Variants in PCDHGA1 observed in about 807,000 individuals in gnomAD.
PCDHGA1 encodes protocadherin gamma subfamily A, 1.
Under a neutral mutation model 58.0 loss-of-function variants are expected in PCDHGA1, and 32 were observed. The observed-to-expected ratio is 0.55, with a 90% CI of 0.42 to 0.74. PCDHGA1 has a LOEUF of 0.74. PCDHGA1 is among the 30% of genes least tolerant of loss of function. The pLI, the probability that PCDHGA1 is intolerant of heterozygous loss-of-function variation, is 0.00. For synonymous variants in PCDHGA1, 498 were observed against 501.1 expected (o/e 0.99, Z 0.08); for missense variants, 1,205 against 1,182.3 (o/e 1.02, Z -0.28).
At chr5:141,399,445 G>A (rs2093810599) in intron 1 of PCDHGA1, 1 of 1,614,032 alleles carries the variant, frequency 6.2e-7, no homozygotes, top group Non-Finnish European at 8.5e-7. Context: ...ACATATCAGA[G>A]ACGTCAACGA....
chr5:141,410,174 G>A (rs1369332920), intron 1 of PCDHGA1: 4 of 1,613,588 alleles, frequency 2.5e-6, no homozygotes, highest in East Asian at 2.2e-5. Flanking sequence ...CTCTGCCACC[G>A]CCACGCTTCA....
intron 1 of PCDHGA1, chr5:141,361,620 C>T (rs1265757132): frequency 1.2e-6 from 2 of 1,613,974 alleles, no homozygotes; most frequent in East Asian, 4.5e-5. Context: ...TAGCGAGCGA[C>T]CTGAAGCCGC....
At chr5:141,372,576 C>A in intron 1 of PCDHGA1, 2 of 1,614,066 alleles carry the variant, frequency 1.2e-6, no homozygotes. Context: ...GGGCTACTTT[C>A]AGCCTGGTGT....
At chr5:141,358,425 C>G (rs17097227) in intron 1 of PCDHGA1, among the ~76,000 whole-genome samples, 21,407 of 152,038 alleles carry the variant, frequency 0.14, 2,091 homozygotes, top group African/African-American at 0.28. Flanking sequence ...AGGGTATTTT[C>G]CATTATAACA....
chr5:141,343,898 C>T, intron 1 of PCDHGA1: 1 of 789,338 alleles, frequency 1.3e-6, no homozygotes, highest in Non-Finnish European at 2.0e-6. Context: ...CGGCTGCCAA[C>T]CTCACCTCTT....
chr5:141,340,429 T>C (rs762000405), intron 1 of PCDHGA1: 2 of 1,614,228 alleles, frequency 1.2e-6, no homozygotes, highest in South Asian at 2.2e-5. Flanking sequence ...ACAATGCTCA[T>C]GTAACTTACT....
At chr5:141,375,738 T>C (rs1771822925) in intron 1 of PCDHGA1, 2 of 1,614,130 alleles carry the variant, frequency 1.2e-6, no homozygotes, top group African/African-American at 2.7e-5. Context: ...AGCCTGTTTG[T>C]GCTGGACCAG....
At chr5:141,384,371 T>G (rs1780015620) in intron 1 of PCDHGA1, 2 of 1,613,920 alleles carry the variant, frequency 1.2e-6, no homozygotes, top group Non-Finnish European at 1.7e-6. Context: ...ACTTATTCCT[T>G]GGCCGAAGAC....
At chr5:141,445,855 T>C (rs1432695384) in intron 1 of PCDHGA1, among the ~76,000 whole-genome samples, 1 of 152,222 alleles carries the variant, frequency 6.6e-6, no homozygotes, top group Non-Finnish European at 1.5e-5. Flanking sequence ...CTTAAAATTC[T>C]GGATTTTGTT....
chr5:141,332,596 C>G lies in PCDHGA1; in HGVS notation c.1912C>G (p.Leu638Val), dbSNP rs771235119. Residue 638 changes from leucine to valine, a missense_variant, in exon 1 of 4, where the codon CTC (leucine) becomes GTC (valine). Leu to Val is a conservative substitution (Grantham distance 32). Transcript: ENST00000517417. This position sits in a 1 kb window ranked among gnomAD's most constrained non-coding sequence, Gnocchi z 4.6. ...TARALLDRDA[L>V]KQSLVVAVQD... ...GCGAGCCCTGCTGGACAGAGACGCG[C>G]TCAAGCAGAGTCTCGTGGTGGCCGT... 4.3e-6 allele frequency: 7 copies of G among 1,612,918 alleles called. No individual in the cohort carries two copies. The highest frequency in any genetic ancestry group is 1.1e-5 in the South Asian group (1 of 91,014).
At position 141,512,881 on chromosome 5, in the gene PCDHGA1, C is replaced by T. The variant is rs1274589284; in HGVS notation, c.*1708C>T. 1.3e-5 allele frequency: 2 copies of T among 152,268 alleles called. No homozygotes were observed. Among genetic ancestry groups the T allele is most frequent in the African/African-American group, 4.8e-5 (2 of 41,458 alleles). 9.4% of individuals were successfully genotyped at this position (152,268 alleles called of 1,614,324 possible). On this transcript the variant is annotated 3_prime_UTR_variant, in exon 4 of 4. Coordinates refer to ENST00000517417, the MANE Select transcript of PCDHGA1 (RefSeq NM_018912.3). Reference sequence around the variant, plus strand: ...TCGCATAGTCACGTAGCTCCCACCCCACCCTCTTCCTGTGTCTCACGCAAG... The same window carrying T: ...TCGCATAGTCACGTAGCTCCCACCCTACCCTCTTCCTGTGTCTCACGCAAG...
Position 141,423,580 on chromosome 5 carries a change from A to C in PCDHGA1, c.2422-71227A>C, listed in dbSNP as rs368022774. 46 of 1,613,286 alleles carry C rather than the reference A, an allele frequency of 2.9e-5. No individual in the cohort carries two copies. In the African/African-American group the frequency reaches 5.6e-4, roughly 20 times the overall value. On this transcript the variant is annotated intron_variant, in intron 1 of 3. Coordinates refer to ENST00000517417, the MANE Select transcript of PCDHGA1 (RefSeq NM_018912.3). ...TGGGGACACGCTCATCAGCCAGGAGAGCTGTGAGAAAAGCGAGCCACTCTT... is the reference window on the plus strand; with the variant it reads ...TGGGGACACGCTCATCAGCCAGGAGCGCTGTGAGAAAAGCGAGCCACTCTT...
At chr5:141,362,726 A>T (rs1762654584) in intron 1 of PCDHGA1, 1 of 822,880 alleles carries the variant, frequency 1.2e-6, no homozygotes, top group Admixed American at 3.0e-5. Flanking sequence ...CTGAAGTGTG[A>T]GATTTATTTA....
chr5:141,436,080 T>C (rs755968267), intron 1 of PCDHGA1, among the ~76,000 whole-genome samples: 1 of 152,204 alleles, frequency 6.6e-6, no homozygotes, highest in Admixed American at 6.5e-5. Context: ...CAGTGTTCTA[T>C]AGGTAATATT....
intron 1 of PCDHGA1, chr5:141,441,118 G>C (rs1265461098): frequency 6.6e-6 from 1 of 152,212 alleles, no homozygotes; most frequent in Non-Finnish European, 1.5e-5. Flanking sequence ...CCAGTGTACA[G>C]TTGAGACCGA....
chr5:141,481,317 C>T (rs2099535550), intron 1 of PCDHGA1, among the ~76,000 whole-genome samples: 1 of 152,182 alleles, frequency 6.6e-6, no homozygotes, highest in African/African-American at 2.4e-5. Context: ...CTTCCTAAAG[C>T]ACTAGCCCCT....
At chr5:141,451,036 G>T (rs973806381) in intron 1 of PCDHGA1, among the ~76,000 whole-genome samples, 1 of 150,880 alleles carries the variant, frequency 6.6e-6, no homozygotes, top group Non-Finnish European at 1.5e-5. Flanking sequence ...CACCATATTG[G>T]CCAGGCTGGT....
chr5:141,442,779 A>G (rs1453800627), intron 1 of PCDHGA1, among the ~76,000 whole-genome samples: 1 of 152,160 alleles, frequency 6.6e-6, no homozygotes, highest in Non-Finnish European at 1.5e-5. Context: ...GTTTGATTAT[A>G]TTTTATAATT....
chr5:141,494,773 G>C, intron 1 of PCDHGA1, 34 bp from the exon 2 acceptor site: 1 of 1,613,966 alleles, frequency 6.2e-7, no homozygotes, highest in Non-Finnish European at 8.5e-7. Context: ...CTTCTCACGG[G>C]TACTCAGCCC....
Sources: gnomAD v4.1 joint callset for allele counts (sites outside exome capture counted in the v4.1 genomes callset) on GRCh38, gnomAD v4.1.1 for gene constraint, Gnocchi (gnomAD v3.1) non-coding constraint, MANE v1.5 for transcripts, NCBI Gene and HGNC (gene_info 2026-07-23, HGNC 2026-07-21) for gene names.